Variants in RANBP2 observed in about 807,000 individuals in gnomAD.
The protein encoded by RANBP2 is E3 SUMO-protein ligase RanBP2.
In RANBP2, 57 loss-of-function variants were observed where a neutral mutation model predicts 303.6. The observed-to-expected ratio is 0.19, with a 90% CI of 0.15 to 0.23. The LOEUF (loss-of-function observed/expected upper bound fraction) is 0.23, where lower values mean the gene tolerates loss of function less well. Among genes scored for constraint, RANBP2 ranks in the 10% least tolerant of loss-of-function variants. The pLI, the probability that RANBP2 is intolerant of heterozygous loss-of-function variation, is 1.00. For synonymous variants in RANBP2, 1,167 were observed against 1,301.5 expected, an observed-to-expected ratio of 0.90 and a Z score of 2.23; for missense variants, 3,138 against 3,780.8, an observed-to-expected ratio of 0.83 and a Z score of 4.46.
At chr2:108,918,244 C>G in the RANBP2 span, among the ~76,000 whole-genome samples, 3 of 152,218 alleles carry the variant, frequency 2.0e-5, no homozygotes, top group Admixed American at 2.0e-4. Flanking sequence ...GGCACCGGCA[C>G]CCCCTGCACC....
In RANBP2 at chr2:108,745,333, A is replaced by T. The variant is rs1225247475; in HGVS notation, c.976-1378A>T. ...TTAAAAGCCGATGCTCTAGTCACCC[A>T]TATAGTTACTTTTGGCATGTTTCTA... On this transcript the variant is annotated intron_variant, in intron 7 of 28. Coordinates refer to ENST00000283195, the MANE Select transcript of RANBP2 (RefSeq NM_006267.5). 2.7e-5 allele frequency among the ~76,000 whole-genome samples: 4 copies of T among 146,638 alleles called. No individual in the cohort carries two copies. The South Asian group carries it at 9.0e-4, about 33-fold the overall frequency.
At chr2:109,068,905 A>G in the RANBP2 span, among the ~76,000 whole-genome samples, 1 of 152,198 alleles carries the variant, frequency 6.6e-6, no homozygotes, top group Non-Finnish European at 1.5e-5. Flanking sequence ...CAAAATGGAA[A>G]AACCAATTGA....
the RANBP2 span, among the ~76,000 whole-genome samples, chr2:109,523,060 T>C: frequency 6.6e-6 from 1 of 152,134 alleles, no homozygotes; most frequent in Non-Finnish European, 1.5e-5. Flanking sequence ...TCGGAGTCTT[T>C]GCTTGCTCCA....
intron 7 of RANBP2, among the ~76,000 whole-genome samples, chr2:108,744,375 G>C (rs1427904234): frequency 6.6e-6 from 1 of 151,688 alleles, no homozygotes; most frequent in Admixed American, 6.6e-5. Flanking sequence ...CTGCAGCACT[G>C]CAGCCTGGCG....
chr2:109,422,386 C>T, the RANBP2 span, among the ~76,000 whole-genome samples: 3 of 152,168 alleles, frequency 2.0e-5, no homozygotes, highest in African/African-American at 7.2e-5. Context: ...AACATGAGCC[C>T]TTGAGATTAA....
chr2:109,242,818 T>C, the RANBP2 span, among the ~76,000 whole-genome samples: 5 of 152,302 alleles, frequency 3.3e-5, no homozygotes, highest in South Asian at 1.0e-3. Context: ...ACCCTCACTC[T>C]GTGGCCCAAA....
Position 108,773,015 on chromosome 2 carries a change from A to G in RANBP2, c.8261A>G (p.Gln2754Arg), listed in dbSNP as rs1183753613. 1 of 1,613,430 alleles carries G rather than the reference A, an allele frequency of 6.2e-7. No homozygotes were observed. The highest frequency in any genetic ancestry group is 1.1e-5 in the South Asian group (1 of 90,894). The change falls in exon 23 of 29, where the codon CAA becomes CGA. Residue 2754 changes from glutamine (Q) to arginine (R), a missense_variant. Transcript: ENST00000283195. ...DEDNGNGEDF[Q>R]SELQKVQEAQ... is the part of the protein sequence containing the mutation. The stretch of plus-strand genomic sequence containing the variant: ...GACAATGGAAATGGGGAGGACTTTC[A>G]ATCAGAGCTTCAAAAAGTTCAGGAA...
the RANBP2 span, among the ~76,000 whole-genome samples, chr2:109,355,306 A>T: frequency 6.6e-6 from 1 of 152,170 alleles, no homozygotes; most frequent in African/African-American, 2.4e-5. Context: ...TGGCCCAGGA[A>T]CTTGTCTGCT....
the RANBP2 span, among the ~76,000 whole-genome samples, chr2:109,327,280 A>G: frequency 6.6e-6 from 1 of 152,188 alleles, no homozygotes; most frequent in African/African-American, 2.4e-5. Flanking sequence ...ACTTGCCAAC[A>G]CCATTGATTA....
the RANBP2 span, among the ~76,000 whole-genome samples, chr2:109,461,992 G>GA: frequency 3.3e-5 from 5 of 151,972 alleles, no homozygotes; most frequent in Non-Finnish European, 4.4e-5. Flanking sequence ...TCCACCTTAC[G>GA]AGGGATGTCT....
the RANBP2 span, among the ~76,000 whole-genome samples, chr2:109,605,151 T>C: frequency 6.6e-6 from 1 of 152,190 alleles, no homozygotes; most frequent in Non-Finnish European, 1.5e-5. Context: ...TCTACACTGA[T>C]AAGAGCATTA....
chr2:108,932,528 C>CAAAAAAAA, the RANBP2 span, among the ~76,000 whole-genome samples: 4 of 39,150 alleles, frequency 1.0e-4, no homozygotes, highest in African/African-American at 3.0e-4. Context: ...GACTCTGTCT[C>CAAAAAAAA]AAAAAAAAAA....
chr2:109,565,120 C>T, the RANBP2 span, among the ~76,000 whole-genome samples: 1 of 151,984 alleles, frequency 6.6e-6, no homozygotes, highest in Non-Finnish European at 1.5e-5. Flanking sequence ...GTGACCAATA[C>T]TCTTAAGTAT....
At chr2:109,733,180 G>GAAAAAAAAAAAAAAA in the RANBP2 span, 1 of 281,572 alleles carries the variant, frequency 3.6e-6, no homozygotes. Flanking sequence ...TAGGTCAAAT[G>GAAAAAAAAAAAAAAA]AAAAAAAAAA....
the RANBP2 span, among the ~76,000 whole-genome samples, chr2:109,713,090 T>G: frequency 6.6e-6 from 1 of 152,148 alleles, no homozygotes; most frequent in Non-Finnish European, 1.5e-5. Flanking sequence ...TTCCTCCACC[T>G]GGGTCTCTTG....
At chr2:109,733,589 G>A in the RANBP2 span, among the ~76,000 whole-genome samples, 7 of 152,022 alleles carry the variant, frequency 4.6e-5, no homozygotes, top group Non-Finnish European at 1.0e-4. Context: ...GTGGTGGCTC[G>A]CACCTGTAAT....
the RANBP2 span, among the ~76,000 whole-genome samples, chr2:109,022,064 G>GC: frequency 6.6e-6 from 1 of 151,656 alleles, no homozygotes; most frequent in Admixed American, 6.6e-5. Context: ...AGAGCCGTGT[G>GC]CCCCAGCTTG....
At chr2:109,045,963 G>A in the RANBP2 span, among the ~76,000 whole-genome samples, 1 of 152,158 alleles carries the variant, frequency 6.6e-6, no homozygotes, top group East Asian at 1.9e-4. Flanking sequence ...ACATCTACAC[G>A]TCTTGCAGGC....
chr2:109,718,093 A>T, the RANBP2 span, among the ~76,000 whole-genome samples: 4 of 152,230 alleles, frequency 2.6e-5, no homozygotes, highest in African/African-American at 4.8e-5. Context: ...AGGAATGCAG[A>T]GAAACTGGAA....
Sources: gnomAD v4.1 joint callset for allele counts (sites outside exome capture counted in the v4.1 genomes callset) on GRCh38, gnomAD v4.1.1 for gene constraint, MANE v1.5 for transcripts, NCBI Gene and HGNC (gene_info 2026-07-23, HGNC 2026-07-21) for gene names.